Variants in FAM20B observed in about 807,000 individuals in gnomAD.
The protein encoded by FAM20B is FAM20B glycosaminoglycan xylosylkinase, also known as glycosaminoglycan xylosylkinase.
In FAM20B, 23 loss-of-function variants were observed where a neutral mutation model predicts 43.8. The observed-to-expected ratio is 0.53, with a 90% CI of 0.38 to 0.74. FAM20B has a LOEUF of 0.74. Among genes scored for constraint, FAM20B ranks in the 30% least tolerant of loss-of-function variants. The pLI is 0.00. For missense variants in FAM20B, 440 were observed against 510.5 expected (o/e 0.86, Z 1.33); for synonymous variants, 178 against 192.4 (o/e 0.93, Z 0.62).
intron 1 of FAM20B, among the ~76,000 whole-genome samples, chr1:179,040,043 A>T (rs894909855): frequency 1.4e-4 from 22 of 152,318 alleles, no homozygotes; most frequent in East Asian, 1.4e-3. Flanking sequence ...GAGCACAGGG[A>T]TGGGGGCAAG....
At chr1:179,023,071 G>C (rs2102473119), upstream of FAM20B, among the ~76,000 whole-genome samples, 1 of 152,330 alleles carries the variant, frequency 6.6e-6, no homozygotes, top group African/African-American at 2.4e-5. Flanking sequence ...GTCCTGAAAA[G>C]GTGACTATGG....
intron 6 of FAM20B, among the ~76,000 whole-genome samples, chr1:179,065,929 CAT>C: frequency 6.6e-6 from 1 of 152,278 alleles, no homozygotes; most frequent in Admixed American, 6.5e-5. Flanking sequence ...TATGTGTCCT[CAT>C]ATGGCAGAAG....
intron 2 of FAM20B, among the ~76,000 whole-genome samples, chr1:179,047,855 G>A (rs1650844187): frequency 6.6e-6 from 1 of 152,212 alleles, no homozygotes; most frequent in South Asian, 2.1e-4. Context: ...TTTATTGGCA[G>A]TTACTGTATG....
At chr1:179,052,250 G>T (rs2102508173) in intron 3 of FAM20B, among the ~76,000 whole-genome samples, 1 of 152,192 alleles carries the variant, frequency 6.6e-6, no homozygotes, top group South Asian at 2.1e-4. Context: ...TAGAAAATGG[G>T]TTAAGAGTAT....
In FAM20B at chr1:179,075,302, T is replaced by C. The variant is rs1261801195; in HGVS notation, c.*3158T>C. ...AAGTCGTTGCAGGGTTTGGATCAGC[T>C]GTAAGTTAGGTATGCCTACCAAACA... is the stretch of plus-strand genomic sequence containing the variant. On this transcript the variant is annotated 3_prime_UTR_variant, in exon 8 of 8. Transcript: ENST00000263733. 6.6e-6 allele frequency: 1 copy of C among 152,182 alleles called. No individual in the cohort carries two copies. The highest frequency in any genetic ancestry group is 2.4e-5 in the African/African-American group (1 of 41,446). 9.4% of individuals were successfully genotyped at this position (152,182 alleles called of 1,614,324 possible).
chr1:179,042,485 A>C (rs1650587842), intron 1 of FAM20B, among the ~76,000 whole-genome samples: 1 of 152,214 alleles, frequency 6.6e-6, no homozygotes, highest in Non-Finnish European at 1.5e-5. Context: ...AGGATGTCAC[A>C]GCCCTGGCTC....
upstream of FAM20B, among the ~76,000 whole-genome samples, chr1:179,021,722 T>C (rs1205752726): frequency 2.0e-5 from 3 of 152,198 alleles, no homozygotes; most frequent in Admixed American, 6.5e-5. Flanking sequence ...TAGGTAAATA[T>C]ATTTTCAGAA....
intron 2 of FAM20B, among the ~76,000 whole-genome samples, chr1:179,046,150 T>G (rs1650763834): frequency 6.6e-6 from 1 of 152,182 alleles, no homozygotes. Context: ...TGAACCCATA[T>G]TTGTTAGAGT....
intron 1 of FAM20B, among the ~76,000 whole-genome samples, chr1:179,029,296 C>T (rs1009130332): frequency 1.3e-5 from 2 of 152,188 alleles, no homozygotes; most frequent in East Asian, 3.8e-4. Flanking sequence ...TCTCTGTAAC[C>T]CCAAGTACTA....
At chr1:179,047,099 G>A (rs1650806073) in intron 2 of FAM20B, among the ~76,000 whole-genome samples, 2 of 152,212 alleles carry the variant, frequency 1.3e-5, no homozygotes, top group South Asian at 2.1e-4. Flanking sequence ...TCCCAAGAGC[G>A]TGCAGTGTTA....
At chr1:179,054,327 T>C (rs927754494) in intron 3 of FAM20B, among the ~76,000 whole-genome samples, 3 of 152,316 alleles carry the variant, frequency 2.0e-5, no homozygotes. Flanking sequence ...TGTCTTATTC[T>C]TTTTGCTGAA....
intron 1 of FAM20B, among the ~76,000 whole-genome samples, chr1:179,042,344 C>T (rs115252879): frequency 2.0e-5 from 3 of 152,176 alleles, no homozygotes; most frequent in African/African-American, 4.8e-5. Context: ...GCACAGCTGC[C>T]GGTTCTGTGT....
At chr1:179,066,732 T>A in intron 6 of FAM20B, 68 bp from the exon 7 acceptor site, 1 of 1,025,088 alleles carries the variant, frequency 9.8e-7, no homozygotes, top group South Asian at 1.3e-5. Context: ...TAGAATTTGC[T>A]ATTGCTTTGA....
At chr1:179,020,907 C>T (rs1216575495), upstream of FAM20B, among the ~76,000 whole-genome samples, 2 of 152,142 alleles carry the variant, frequency 1.3e-5, no homozygotes, top group Non-Finnish European at 2.9e-5. Flanking sequence ...CCCATCTCTA[C>T]TAAAAATACA....
chr1:179,059,655 A>G (rs994654289), intron 4 of FAM20B, among the ~76,000 whole-genome samples: 2 of 152,086 alleles, frequency 1.3e-5, no homozygotes, highest in Non-Finnish European at 2.9e-5. Context: ...TGAATCAGTA[A>G]TGGATTCACA....
intron 1 of FAM20B, among the ~76,000 whole-genome samples, chr1:179,038,685 T>G (rs1389949083): frequency 6.6e-6 from 1 of 152,244 alleles, no homozygotes; most frequent in Non-Finnish European, 1.5e-5. Flanking sequence ...CAAAAATCTC[T>G]GAAATCTTCT....
At chr1:179,018,887 A>T in the FAM20B span, among the ~76,000 whole-genome samples, 298 of 152,322 alleles carry the variant, frequency 2.0e-3, 1 homozygote, top group African/African-American at 6.4e-3. Context: ...CCGAGGACCC[A>T]GGAAAGCTGG....
chr1:179,043,133 A>G (rs888054427), intron 1 of FAM20B, among the ~76,000 whole-genome samples: 9 of 152,170 alleles, frequency 5.9e-5, no homozygotes, highest in Non-Finnish European at 1.2e-4. Flanking sequence ...GCAGGCCTAC[A>G]CTGAGCCATC....
At chr1:179,069,454 G>A (rs1651825727) in intron 7 of FAM20B, among the ~76,000 whole-genome samples, 4 of 151,846 alleles carry the variant, frequency 2.6e-5, no homozygotes, top group Non-Finnish European at 4.4e-5. Flanking sequence ...CACTGCAACC[G>A]CTGTCTCCCG....
Sources: allele counts gnomAD v4.1 joint callset (sites outside exome capture counted in the v4.1 genomes callset), GRCh38; gene constraint gnomAD v4.1.1; transcripts MANE v1.5; gene names NCBI Gene and HGNC (gene_info 2026-07-23, HGNC 2026-07-21).